Variants in DAPP1 observed in about 807,000 individuals in gnomAD.
DAPP1 encodes the protein dual adaptor of phosphotyrosine and 3-phosphoinositides 1, also known as dual adapter for phosphotyrosine and 3-phosphotyrosine and 3-phosphoinositide.
In DAPP1, 20 loss-of-function variants were observed where a neutral mutation model predicts 41.5. The ratio of observed to expected loss-of-function variants is 0.48; its 90% CI spans 0.34 to 0.70. The LOEUF (loss-of-function observed/expected upper bound fraction) is 0.70, where lower values mean the gene tolerates loss of function less well. DAPP1 is among the 30% of genes least tolerant of loss of function. The probability of loss-of-function intolerance (pLI) is 0.01; values close to 1 mark genes in which losing one functional copy is unlikely to be tolerated. For missense variants in DAPP1, 233 were observed against 333.4 expected, an observed-to-expected ratio of 0.70 and a Z score of 2.35; for synonymous variants, 113 against 116.2, an observed-to-expected ratio of 0.97 and a Z score of 0.18.
rs181300734 is a variant in DAPP1, at chr4:99,848,481, G to A, written c.359-4737G>A. 6.3e-4 allele frequency among the ~76,000 whole-genome samples: 95 copies of A among 151,630 alleles called. 1 individual carries two copies. The highest frequency in any genetic ancestry group is 6.8e-3 in the Middle Eastern group (2 of 292). ...CCTGACCTTGTGATCCGTATGCCTC[G>A]GCCTCCCAAAGTGCTGGGATTACAG... is the stretch of plus-strand genomic sequence containing the variant. On this transcript the variant is annotated intron_variant, in intron 3 of 8. Transcript: ENST00000512369.
intron 8 of DAPP1, among the ~76,000 whole-genome samples, chr4:99,867,521 C>A (rs1724504863): frequency 6.6e-6 from 1 of 152,222 alleles, no homozygotes; most frequent in Non-Finnish European, 1.5e-5. Context: ...GGAACTAGAA[C>A]TCTCCTACAT....
intron 2 of DAPP1, among the ~76,000 whole-genome samples, chr4:99,836,017 G>T (rs776891504): frequency 2.0e-4 from 30 of 152,126 alleles, no homozygotes; most frequent in Non-Finnish European, 2.4e-4. Flanking sequence ...CCAAAGCGGT[G>T]GAATGTCTGG....
intron 8 of DAPP1, chr4:99,866,768 T>C (rs1724477456): frequency 1.4e-5 from 1 of 71,146 alleles, no homozygotes. Context: ...TTTTTTCTAT[T>C]TTTTTTTTTT....
chr4:99,866,519 C>T, intron 8 of DAPP1: 1 of 763,798 alleles, frequency 1.3e-6, no homozygotes, highest in East Asian at 2.4e-5. Context: ...GCCAGAGGCA[C>T]TTAGCTTAGT....
intron 4 of DAPP1, among the ~76,000 whole-genome samples, chr4:99,856,866 C>T (rs527467463): frequency 3.9e-5 from 6 of 152,342 alleles, no homozygotes; most frequent in African/African-American, 1.4e-4. Context: ...GTGATATCCA[C>T]AATGGGTTGC....
intron 1 of DAPP1, among the ~76,000 whole-genome samples, chr4:99,818,480 C>T (rs994077173): frequency 1.3e-5 from 2 of 152,160 alleles, no homozygotes; most frequent in African/African-American, 4.8e-5. Flanking sequence ...GTTAAACAAA[C>T]AATCCTAGAA....
chr4:99,834,671 T>C (rs1042735202), intron 1 of DAPP1, among the ~76,000 whole-genome samples: 5 of 152,204 alleles, frequency 3.3e-5, no homozygotes, highest in African/African-American at 1.2e-4. Flanking sequence ...CCTATTCTTA[T>C]GGTATTTTGA....
At chr4:99,853,398 T>C in intron 4 of DAPP1, 50 bp downstream of exon 4, 1 of 1,560,438 alleles carries the variant, frequency 6.4e-7, no homozygotes, top group Non-Finnish European at 8.7e-7. Flanking sequence ...CTAAAATCAA[T>C]CAAGTTCAAT....
chr4:99,866,536 T>C (rs375445279), intron 8 of DAPP1: 1 of 765,400 alleles, frequency 1.3e-6, no homozygotes, highest in African/African-American at 1.7e-5. Context: ...TAGTTTCCAA[T>C]GTAAGCATCA....
chr4:99,850,109 C>A (rs551992597), intron 3 of DAPP1, among the ~76,000 whole-genome samples: 1 of 152,248 alleles, frequency 6.6e-6, no homozygotes, highest in East Asian at 1.9e-4. Context: ...CAATTTGCTA[C>A]AATAGCAATA....
chr4:99,850,405 G>A (rs537215446), intron 3 of DAPP1, among the ~76,000 whole-genome samples: 15 of 151,072 alleles, frequency 9.9e-5, no homozygotes, highest in South Asian at 6.3e-4. Context: ...GCAAGACTCC[G>A]CCTCAAAAAA....
Position 99,816,960 on chromosome 4 carries a change from C to G in DAPP1, c.47C>G (p.Pro16Arg). The G allele has an allele frequency of 6.2e-7, 1 of 1,609,126 alleles. No homozygotes were observed. The highest frequency in any genetic ancestry group is 1.1e-5 in the South Asian group (1 of 89,712). Reference sequence around the variant, plus strand: ...GAAGGGAAGATGAGCACCCAGGATCCCTCAGATCTGTGGAGCAGATCCGAT... The same window carrying G: ...GAAGGGAAGATGAGCACCCAGGATCGCTCAGATCTGTGGAGCAGATCCGAT... ...LLEGKMSTQD[P>R]SDLWSRSDGE... The change falls in exon 1 of 9, where the codon CCC becomes CGC. Residue 16 changes from proline (P) to arginine (R), a missense_variant. Pro to Arg is a moderately radical substitution (Grantham distance 103, BLOSUM62 -2). Coordinates refer to ENST00000512369, the MANE Select transcript of DAPP1 (RefSeq NM_014395.3).
At chr4:99,854,541 T>C (rs1244487869) in intron 4 of DAPP1, among the ~76,000 whole-genome samples, 1 of 152,206 alleles carries the variant, frequency 6.6e-6, no homozygotes, top group Non-Finnish European at 1.5e-5. Flanking sequence ...TGACCTCTGC[T>C]TTACATCCTT....
chr4:99,867,934 A>C (rs1260755081), intron 8 of DAPP1, among the ~76,000 whole-genome samples, 183 bp from the exon 9 acceptor site: 1 of 152,218 alleles, frequency 6.6e-6, no homozygotes, highest in Non-Finnish European at 1.5e-5. Context: ...GTCCTAAAAA[A>C]AAATACAGAA....
In DAPP1 at chr4:99,842,852, CT is replaced by C. The variant is rs1297681743; in HGVS notation, c.358+2447del. On this transcript the variant is annotated intron_variant, in intron 3 of 8. Transcript: ENST00000512369. Reference sequence around the variant, plus strand: ...TCAGATGAAGTACAGATATTTCTTTCTTTTTTTTTTTTTTTTTGAGACGGAG... The same window carrying C: ...TCAGATGAAGTACAGATATTTCTTTCTTTTTTTTTTTTTTTTGAGACGGAG... Among the ~76,000 whole-genome samples the C allele has an allele frequency of 8.3e-3, 1,140 of 137,592 alleles. 8 individuals are homozygous for C. The highest frequency in any genetic ancestry group is 0.026 in the African/African-American group (926 of 36,108). The allele number at this position is 137,592 out of a possible 152,430, so 90.3% of individuals were successfully genotyped here.
chr4:99,853,611 C>G (rs926665658), intron 4 of DAPP1, among the ~76,000 whole-genome samples: 1 of 152,108 alleles, frequency 6.6e-6, no homozygotes, highest in African/African-American at 2.4e-5. Context: ...TGCTTGAGCC[C>G]AGGAGTTGGA....
At chr4:99,859,681 A>G (rs1345807373) in intron 4 of DAPP1, among the ~76,000 whole-genome samples, 1 of 151,822 alleles carries the variant, frequency 6.6e-6, no homozygotes, top group Non-Finnish European at 1.5e-5. Context: ...TTACCCCGAC[A>G]CTCCAACCAC....
At chr4:99,857,238 A>G (rs1724076064) in intron 4 of DAPP1, among the ~76,000 whole-genome samples, 1 of 152,208 alleles carries the variant, frequency 6.6e-6, no homozygotes. Flanking sequence ...TGATACACGA[A>G]AGAAAGAGTA....
chr4:99,832,755 C>G (rs781472709), intron 1 of DAPP1, among the ~76,000 whole-genome samples: 1 of 152,154 alleles, frequency 6.6e-6, no homozygotes, highest in Admixed American at 6.5e-5. Context: ...TATAATTAGA[C>G]GTCAAAAGAA....
Sources: allele counts gnomAD v4.1 joint callset (sites outside exome capture counted in the v4.1 genomes callset), GRCh38; gene constraint gnomAD v4.1.1; transcripts MANE v1.5; gene names NCBI Gene and HGNC (gene_info 2026-07-23, HGNC 2026-07-21).